The following AGAP1 variants were observed in gnomAD, a reference collection of about 807,000 sequenced individuals.
The protein encoded by AGAP1 is ArfGAP with GTPase domain, ankyrin repeat and PH domain 1.
A neutral mutation model predicts 105.3 loss-of-function variants in AGAP1; 29 were observed. The ratio of observed to expected loss-of-function variants is 0.28; its 90% CI spans 0.21 to 0.38. The LOEUF is 0.38. Among genes scored for constraint, AGAP1 ranks in the 10% least tolerant of loss-of-function variants. AGAP1 has a pLI of 1.00. For missense variants in AGAP1, 998 were observed against 1,165.1 expected (o/e 0.86, Z 2.09); for synonymous variants, 509 against 485.9 (o/e 1.05, Z -0.63).
At position 235,882,467 on chromosome 2, in the gene AGAP1, T is replaced by G. The variant is rs940061936; in HGVS notation, c.1051-878T>G. 30 of 1,572,566 alleles carry G rather than the reference T, an allele frequency of 1.9e-5. No individual in the cohort carries two copies. The Middle Eastern group carries it at 7.4e-4, about 39-fold the overall frequency. On this transcript the variant is annotated intron_variant, in intron 9 of 17. Coordinates refer to ENST00000304032, the MANE Select transcript of AGAP1 (RefSeq NM_001037131.3). The surrounding 1 kb of genome is among the most constrained non-coding windows in gnomAD (Gnocchi z 4.6). ...GCTTGGCCCTATTGAAGCTGGCGAT[T>G]CCCCCCACGTCTGGTTTGTCTGCCA...
At chr2:235,869,843 A>C (rs2049352446) in intron 9 of AGAP1, among the ~76,000 whole-genome samples, 1 of 152,178 alleles carries the variant, frequency 6.6e-6, no homozygotes, top group Non-Finnish European at 1.5e-5. Flanking sequence ...TCTTCCTCAA[A>C]TAGTCTCAGG....
chr2:235,544,497 G>A (rs115371488), intron 1 of AGAP1, among the ~76,000 whole-genome samples: 1,555 of 152,330 alleles, frequency 0.01, 18 homozygotes, highest in African/African-American at 0.035. Context: ...GTGGCTGGAA[G>A]GAGGCTTCCA....
At chr2:235,991,771 G>A (rs1223077379) in intron 13 of AGAP1, among the ~76,000 whole-genome samples, 2 of 152,188 alleles carry the variant, frequency 1.3e-5, no homozygotes, top group African/African-American at 4.8e-5. Flanking sequence ...TAATGAAGAA[G>A]AAGGAATTTC....
chr2:235,990,292 G>A (rs1382995576), intron 13 of AGAP1, among the ~76,000 whole-genome samples: 1 of 152,130 alleles, frequency 6.6e-6, no homozygotes, highest in African/African-American at 2.4e-5. Flanking sequence ...GTGCCCCTGT[G>A]TCCAGCCGCA....
At chr2:235,567,113 C>T (rs1280900110) in intron 1 of AGAP1, among the ~76,000 whole-genome samples, 2 of 152,214 alleles carry the variant, frequency 1.3e-5, no homozygotes, top group East Asian at 1.9e-4. Context: ...GTGGACCTCT[C>T]CCACAGGTCT....
rs200951787 is a variant in AGAP1 at position 236,065,811 on chromosome 2, A to T, written c.2114+16530A>T. Among the ~76,000 whole-genome samples, 19 of 152,318 alleles carry T rather than the reference A, an allele frequency of 1.2e-4. No homozygotes were observed. The East Asian group carries it at 3.7e-3, about 29-fold the overall frequency. On this transcript the variant is annotated intron_variant, in intron 16 of 17. Coordinates refer to ENST00000304032, the MANE Select transcript of AGAP1 (RefSeq NM_001037131.3). ...GAAGCCTTAGGACCCACCATCTAGC[A>T]CTGCTTTCAGCAAAGCCTTCCAGAG... is the stretch of plus-strand genomic sequence containing the variant.
rs943703895 is a variant in AGAP1 at position 235,725,332 on chromosome 2, G to A, written c.310+7688G>A. Among the ~76,000 whole-genome samples, 15 of 152,208 alleles carry A rather than the reference G, an allele frequency of 9.9e-5. No individual in the cohort carries two copies. In the Middle Eastern group the frequency reaches 0.01, roughly 104 times the overall value. On this transcript the variant is annotated intron_variant, in intron 3 of 17. Coordinates refer to ENST00000304032, the MANE Select transcript of AGAP1 (RefSeq NM_001037131.3). The surrounding 1 kb of genome is among the most constrained non-coding windows in gnomAD (Gnocchi z 5.7). ...TTACTTAGTTTCTTAGAAACAAAAC[G>A]TGGTAAACACCCAGTCTTATTTTCT...
chr2:235,718,937 G>T (rs1396434446), intron 3 of AGAP1, among the ~76,000 whole-genome samples: 4 of 152,162 alleles, frequency 2.6e-5, no homozygotes, highest in Non-Finnish European at 5.9e-5. Flanking sequence ...GCTTTTATTT[G>T]CTCCTTTGTG....
intron 1 of AGAP1, among the ~76,000 whole-genome samples, chr2:235,565,381 C>CT (rs1476817170): frequency 6.6e-6 from 1 of 152,230 alleles, no homozygotes; most frequent in East Asian, 1.9e-4. Context: ...TTTGTGGTAT[C>CT]TGTTTTATAG....
chr2:236,103,859 C>G (rs2059420139), intron 16 of AGAP1, among the ~76,000 whole-genome samples: 1 of 151,950 alleles, frequency 6.6e-6, no homozygotes, highest in Non-Finnish European at 1.5e-5. Context: ...GAGCGACATG[C>G]CCAGCCTCTC....
Position 235,942,599 on chromosome 2 carries a change from C to T in AGAP1, c.1483+11676C>T, listed in dbSNP as rs907087960. ...GGCTGAGGCAGGAGAATCGCTTGAA[C>T]CCACAGAGGTTGCAGTGAGCCGAGA... On this transcript the variant is annotated intron_variant, in intron 12 of 17. Transcript: ENST00000304032. Among the ~76,000 whole-genome samples, 17 of 152,002 alleles carry T rather than the reference C, an allele frequency of 1.1e-4. No individual in the cohort carries two copies. The South Asian group carries it at 2.3e-3, about 20-fold the overall frequency.
At position 235,509,702 on chromosome 2, in the gene AGAP1, T is replaced by C. The variant is rs530350321; in HGVS notation, c.163+14853T>C. On this transcript the variant is annotated intron_variant, in intron 1 of 17. Transcript: ENST00000304032. ...ACCTCTGTCCGTCTGCTTGCACCCA[T>C]CTGCTGTCTGTCACTGTGGATTAGT... 9.2e-5 allele frequency among the ~76,000 whole-genome samples: 14 copies of C among 152,182 alleles called. No homozygotes were observed. The East Asian group carries it at 2.7e-3, about 29-fold the overall frequency.
chr2:235,512,708 C>T (rs180733629), intron 1 of AGAP1, among the ~76,000 whole-genome samples: 285 of 152,304 alleles, frequency 1.9e-3, no homozygotes, highest in Non-Finnish European at 3.4e-3. Flanking sequence ...GGCATCTGAG[C>T]TGGAGGTAGG....
At chr2:236,072,125 G>GTTTTTTTTTTT (rs11342740) in intron 16 of AGAP1, among the ~76,000 whole-genome samples, 1 of 111,966 alleles carries the variant, frequency 8.9e-6, no homozygotes, top group Non-Finnish European at 1.9e-5. Flanking sequence ...TTCGTTGTGG[G>GTTTTTTTTTTT]TTTTTTTTTT....
Position 235,931,709 on chromosome 2 carries a change from C to T in AGAP1, c.1483+786C>T, listed in dbSNP as rs2052728701. ...ATTAAAAGATTCAGCATCAGGTCTT[C>T]CCTGTAGACCCACCAGCTGCTGCAG... On this transcript the variant is annotated intron_variant, in intron 12 of 17. Coordinates refer to ENST00000304032, the MANE Select transcript of AGAP1 (RefSeq NM_001037131.3). This position sits in a 1 kb window ranked among gnomAD's most constrained non-coding sequence, Gnocchi z 5.6. Among the ~76,000 whole-genome samples, 1 of 152,002 alleles carries T rather than the reference C, an allele frequency of 6.6e-6. No homozygotes were observed. Among genetic ancestry groups the T allele is most frequent in the African/African-American group, 2.4e-5 (1 of 41,374 alleles).
intron 1 of AGAP1, among the ~76,000 whole-genome samples, chr2:235,509,378 A>G (rs1045400744): frequency 6.6e-6 from 1 of 152,008 alleles, no homozygotes; most frequent in African/African-American, 2.4e-5. Context: ...GGGATTACAG[A>G]CATCCACAAC....
intron 1 of AGAP1, among the ~76,000 whole-genome samples, chr2:235,590,684 T>TGTGTGTGC (rs1424245324): frequency 9.7e-6 from 1 of 102,652 alleles, no homozygotes; most frequent in Non-Finnish European, 2.1e-5. Flanking sequence ...TGTGTGTGTG[T>TGTGTGTGC]GCGTGTGCGT....
intron 13 of AGAP1, among the ~76,000 whole-genome samples, chr2:236,015,399 A>G (rs1409038323): frequency 6.6e-6 from 1 of 152,080 alleles, no homozygotes; most frequent in Non-Finnish European, 1.5e-5. Flanking sequence ...TTGCTTGTAA[A>G]GTCAGTATTT....
rs1337200178 is a variant in AGAP1, at chr2:235,494,285, C to G, written c.-402C>G. 2 of 145,302 alleles carry G rather than the reference C, an allele frequency of 1.4e-5. No homozygotes were observed. Among genetic ancestry groups the G allele is most frequent in the African/African-American group, 2.5e-5 (1 of 40,478 alleles). 9.0% of individuals were successfully genotyped at this position (145,302 alleles called of 1,614,324 possible). A position where few individuals can be genotyped will look rare whatever the true frequency, so the allele number is the denominator to read the frequency against. On this transcript the variant is annotated 5_prime_UTR_variant, in exon 1 of 18. Coordinates refer to ENST00000304032, the MANE Select transcript of AGAP1 (RefSeq NM_001037131.3). ...GGGGTCGGCCCTCGGCCCCGGCGCTCGGAGCGCGGCGGCTGCCTGGGCTTT... is the reference window on the plus strand; with the variant it reads ...GGGGTCGGCCCTCGGCCCCGGCGCTGGGAGCGCGGCGGCTGCCTGGGCTTT...
Sources: gnomAD v4.1 joint callset for allele counts (sites outside exome capture counted in the v4.1 genomes callset) on GRCh38, gnomAD v4.1.1 for gene constraint, Gnocchi (gnomAD v3.1) non-coding constraint, MANE v1.5 for transcripts, NCBI Gene and HGNC (gene_info 2026-07-23, HGNC 2026-07-21) for gene names.